Variants in TNIK observed in about 807,000 individuals in gnomAD.
TNIK encodes TRAF2 and NCK interacting kinase, also known as TRAF2 and NCK-interacting protein kinase.
Under a neutral mutation model 191.3 loss-of-function variants are expected in TNIK, and 49 were observed. The observed-to-expected ratio is 0.26, with a 90% CI of 0.20 to 0.32. The LOEUF is 0.32. Ranked by LOEUF, TNIK falls within the 10% of genes least tolerant of loss-of-function variation. The pLI is 1.00. For missense variants in TNIK, 1,155 were observed against 1,702.3 expected, an observed-to-expected ratio of 0.68 and a Z score of 5.66; for synonymous variants, 594 against 600.9, an observed-to-expected ratio of 0.99 and a Z score of 0.17.
intron 1 of TNIK, among the ~76,000 whole-genome samples, chr3:171,404,751 C>T (rs1394778940): frequency 6.6e-6 from 1 of 152,094 alleles, no homozygotes. Context: ...GTCTAAAGGT[C>T]AGAGCAGTGA....
At chr3:171,362,008 G>A (rs1715050954) in intron 2 of TNIK, among the ~76,000 whole-genome samples, 1 of 152,090 alleles carries the variant, frequency 6.6e-6, no homozygotes, top group Non-Finnish European at 1.5e-5. Flanking sequence ...TGAGGTTCTT[G>A]CTGCTCCACA....
chr3:171,387,980 TG>T (rs146248407), intron 1 of TNIK, among the ~76,000 whole-genome samples: 1 of 45,782 alleles, frequency 2.2e-5, no homozygotes, highest in Non-Finnish European at 4.8e-5. Flanking sequence ...GCAAGGAGTG[TG>T]GGGGGAGGGG....
intron 11 of TNIK, among the ~76,000 whole-genome samples, chr3:171,160,546 T>C (rs754606167): frequency 6.8e-4 from 104 of 151,954 alleles, no homozygotes; most frequent in Non-Finnish European, 1.1e-3. Context: ...CACCATGGGA[T>C]GTGGGCCTGC....
intron 2 of TNIK, among the ~76,000 whole-genome samples, chr3:171,294,709 G>A (rs1177620581): frequency 6.6e-6 from 1 of 151,950 alleles, no homozygotes; most frequent in African/African-American, 2.4e-5. Flanking sequence ...CCACAAGAAG[G>A]AAACTCCATC....
At chr3:171,418,762 G>A (rs1005172152) in intron 1 of TNIK, among the ~76,000 whole-genome samples, 4 of 152,180 alleles carry the variant, frequency 2.6e-5, no homozygotes, top group East Asian at 3.9e-4. Flanking sequence ...TCCATACAAT[G>A]GTATATTATT....
chr3:171,073,507 CAAAAAA>C (rs1315462222), intron 28 of TNIK, among the ~76,000 whole-genome samples: 1 of 151,762 alleles, frequency 6.6e-6, no homozygotes, highest in African/African-American at 2.4e-5. Context: ...GCAACAAAAA[CAAAAAA>C]AGACAAATGG....
chr3:171,383,685 T>C (rs1269725581), intron 1 of TNIK, among the ~76,000 whole-genome samples: 1 of 152,202 alleles, frequency 6.6e-6, no homozygotes, highest in East Asian at 1.9e-4. Context: ...ATATGTCCTA[T>C]ATTGCCAAAG....
At chr3:171,330,386 A>C (rs1174638594) in intron 2 of TNIK, among the ~76,000 whole-genome samples, 1 of 152,242 alleles carries the variant, frequency 6.6e-6, no homozygotes, top group Non-Finnish European at 1.5e-5. Flanking sequence ...TAGAAGAAGG[A>C]AGGCTTATTT....
chr3:171,361,295 G>A (rs557016693), intron 2 of TNIK, among the ~76,000 whole-genome samples: 5 of 152,294 alleles, frequency 3.3e-5, no homozygotes, highest in African/African-American at 9.6e-5. Flanking sequence ...TGAAGGCTGC[G>A]AACCACTAGT....
chr3:171,264,727 A>T (rs1748163423), intron 2 of TNIK, among the ~76,000 whole-genome samples: 1 of 152,192 alleles, frequency 6.6e-6, no homozygotes, highest in Non-Finnish European at 1.5e-5. Context: ...CACAGCTTAA[A>T]GTACAATTTT....
chr3:171,319,202 T>C (rs544067270), intron 2 of TNIK, among the ~76,000 whole-genome samples: 1 of 152,076 alleles, frequency 6.6e-6, no homozygotes, highest in East Asian at 1.9e-4. Flanking sequence ...AAATAAAATT[T>C]AAAATTACAT....
intron 1 of TNIK, among the ~76,000 whole-genome samples, chr3:171,446,077 CCAA>C (rs1241740793): frequency 1.3e-5 from 2 of 152,180 alleles, no homozygotes; most frequent in Admixed American, 6.5e-5. Flanking sequence ...CAAAAACAGT[CCAA>C]CAGAATCTGA....
At chr3:171,247,830 C>T (rs1745773610) in intron 2 of TNIK, among the ~76,000 whole-genome samples, 1 of 152,150 alleles carries the variant, frequency 6.6e-6, no homozygotes, top group Admixed American at 6.5e-5. Context: ...AATTATGAAG[C>T]CCCTGGGACC....
chr3:171,269,859 C>T (rs1406710680), intron 2 of TNIK, among the ~76,000 whole-genome samples: 1 of 152,194 alleles, frequency 6.6e-6, no homozygotes, highest in East Asian at 1.9e-4. Flanking sequence ...GGAGGGACTA[C>T]TAAGGCAATT....
chr3:171,346,918 A>T, intron 2 of TNIK: 1 of 445,752 alleles, frequency 2.2e-6, no homozygotes, highest in Non-Finnish European at 3.9e-6. Context: ...AAAAGGTTTT[A>T]AACAGGAGAG....
chr3:171,090,548 A>AGATACCAGCT (rs60386785), intron 23 of TNIK, among the ~76,000 whole-genome samples: 15,532 of 152,042 alleles, frequency 0.1, 908 homozygotes, highest in Middle Eastern at 0.15. Context: ...AACGCTGAAA[A>AGATACCAGCT]GATACCAGGA....
chr3:171,221,472 C>T (rs886444910), intron 3 of TNIK, among the ~76,000 whole-genome samples: 2 of 152,282 alleles, frequency 1.3e-5, no homozygotes, highest in Middle Eastern at 3.4e-3. Flanking sequence ...GGCCACCCAG[C>T]TAGGTCAGTT....
intron 4 of TNIK, among the ~76,000 whole-genome samples, chr3:171,207,984 C>G (rs950961769): frequency 6.6e-6 from 1 of 152,014 alleles, no homozygotes; most frequent in Non-Finnish European, 1.5e-5. Flanking sequence ...AAGAACAGCC[C>G]GGTGGTAGCA....
At chr3:171,402,967 A>G (rs907368700) in intron 1 of TNIK, among the ~76,000 whole-genome samples, 3 of 152,244 alleles carry the variant, frequency 2.0e-5, no homozygotes, top group Admixed American at 2.0e-4. Flanking sequence ...AGACATGCTC[A>G]GATATGCACT....
Sources: allele counts gnomAD v4.1 joint callset (sites outside exome capture counted in the v4.1 genomes callset), GRCh38; gene constraint gnomAD v4.1.1; transcripts MANE v1.5; gene names NCBI Gene and HGNC (gene_info 2026-07-23, HGNC 2026-07-21).